RSPH3: variants seen among roughly 807,000 people sequenced by gnomAD.
RSPH3 encodes radial spoke head protein 3 homolog.
Under a neutral mutation model 43.8 loss-of-function variants are expected in RSPH3, and 21 were observed. The ratio of observed to expected loss-of-function variants is 0.48; its 90% CI spans 0.34 to 0.69. The LOEUF is 0.69. Ranked by LOEUF, RSPH3 falls within the 30% of genes least tolerant of loss-of-function variation. The pLI, the probability that RSPH3 is intolerant of heterozygous loss-of-function variation, is 0.01. For synonymous variants in RSPH3, 173 were observed against 179.8 expected (o/e 0.96, Z 0.30); for missense variants, 487 against 516.0 (o/e 0.94, Z 0.54).
At chr6:158,966,132 T>A in the RSPH3 span, among the ~76,000 whole-genome samples, 1 of 152,192 alleles carries the variant, frequency 6.6e-6, no homozygotes, top group Non-Finnish European at 1.5e-5. Context: ...ACTTGTGTAA[T>A]GAATATAACA....
At chr6:158,981,414 T>C (rs1206274667) in intron 5 of RSPH3, among the ~76,000 whole-genome samples, 7 of 152,204 alleles carry the variant, frequency 4.6e-5, no homozygotes, top group Admixed American at 2.0e-4. Flanking sequence ...TTTATAAAGG[T>C]GATGAATCCT....
Position 158,986,339 on chromosome 6 carries a change from T to C in RSPH3, c.287A>G (p.Gln96Arg), listed in dbSNP as rs1249340053. The C allele has an allele frequency of 6.2e-7, 1 of 1,614,110 alleles. No homozygotes were observed. Reference protein sequence around the residue: ...RALARKQAQEQLRPQTPEPVE... With the variant: ...RALARKQAQERLRPQTPEPVE... ...AGGTTCAGGTGTTTGTGGTCTGAGC[T>C]GCTCTTGGGCTTGTTTTCTGGCAAG... is the stretch of plus-strand genomic sequence containing the variant. Residue 96 changes from glutamine to arginine, a missense_variant, in exon 3 of 8, where the codon CAG (glutamine) becomes CGG (arginine). Transcript: ENST00000367069.
chr6:158,981,088 T>A, intron 5 of RSPH3, 152 bp from the exon 6 acceptor site: 1 of 693,966 alleles, frequency 1.4e-6, no homozygotes, highest in Non-Finnish European at 2.3e-6. Flanking sequence ...ATCAAAAATT[T>A]AATGAATTTC....
rs372492488 is a variant in RSPH3 at position 158,980,767 on chromosome 6, T to C, written c.859+7A>G. The C allele has an allele frequency of 6.2e-7, 1 of 1,610,180 alleles. No individual in the cohort carries two copies. The highest frequency in any genetic ancestry group is 1.3e-5 in the African/African-American group (1 of 74,964). On this transcript the variant is annotated splice_region_variant and intron_variant, in intron 6 of 7. Coordinates refer to ENST00000367069, the MANE Select transcript of RSPH3 (RefSeq NM_031924.8). ...ACAAAATTAATCTAACAAAAATATCTACAAACCTCTTTCAATGGGATCATA... is the reference window on the plus strand; with the variant it reads ...ACAAAATTAATCTAACAAAAATATCCACAAACCTCTTTCAATGGGATCATA...
chr6:158,979,488 T>C (rs1777959142), intron 6 of RSPH3, among the ~76,000 whole-genome samples: 1 of 152,084 alleles, frequency 6.6e-6, no homozygotes, highest in African/African-American at 2.4e-5. Context: ...CCAAGTCAGT[T>C]TGAGGCCTAA....
rs374014611 is a variant in RSPH3, at chr6:158,999,645, C to T, written c.-95G>A. On this transcript the variant is annotated 5_prime_UTR_variant, in exon 1 of 8. It introduces an in-frame stop codon into an upstream open reading frame of the 5' UTR. Coordinates refer to ENST00000367069, the MANE Select transcript of RSPH3 (RefSeq NM_031924.8). Reference sequence around the variant, plus strand: ...GGACCCGGAGAGATGTAAGTAGTGCCAAGGGCAAGGATTCCGCGACGCGAG... The same window carrying T: ...GGACCCGGAGAGATGTAAGTAGTGCTAAGGGCAAGGATTCCGCGACGCGAG... 76 of 1,613,914 alleles carry T rather than the reference C, an allele frequency of 4.7e-5. No homozygotes were observed. The highest frequency in any genetic ancestry group is 6.2e-5 in the Non-Finnish European group (73 of 1,179,986).
downstream of RSPH3, among the ~76,000 whole-genome samples, chr6:158,971,843 T>C (rs917210658): frequency 6.6e-6 from 1 of 152,214 alleles, no homozygotes; most frequent in Non-Finnish European, 1.5e-5. Flanking sequence ...CCGAGTCAGA[T>C]TACACCTATA....
At chr6:158,996,891 T>C (rs1441265432) in intron 1 of RSPH3, among the ~76,000 whole-genome samples, 1 of 152,124 alleles carries the variant, frequency 6.6e-6, no homozygotes, top group Non-Finnish European at 1.5e-5. Context: ...TGGGGCCTAG[T>C]GGGAGGTGTT....
At chr6:158,986,517 G>T in intron 2 of RSPH3, 96 bp from the exon 3 acceptor site, 1 of 915,386 alleles carries the variant, frequency 1.1e-6, no homozygotes, top group Non-Finnish European at 1.7e-6. Flanking sequence ...TAGTATAAAG[G>T]CATTTGTCAT....
At chr6:158,964,869 T>C in the RSPH3 span, among the ~76,000 whole-genome samples, 2 of 152,298 alleles carry the variant, frequency 1.3e-5, no homozygotes, top group East Asian at 3.9e-4. Flanking sequence ...TTTGATGTCA[T>C]ATATAAGAAA....
chr6:158,992,912 C>CT (rs1488188425), intron 2 of RSPH3, among the ~76,000 whole-genome samples: 1 of 152,082 alleles, frequency 6.6e-6, no homozygotes, highest in Non-Finnish European at 1.5e-5. Context: ...AGAATTCAGA[C>CT]TTTTTGATTA....
intron 1 of RSPH3, among the ~76,000 whole-genome samples, chr6:158,997,899 G>A (rs1778650857): frequency 6.6e-6 from 1 of 151,926 alleles, no homozygotes. Flanking sequence ...AAAAGAATTT[G>A]TTAGAACAAG....
chr6:158,980,892 G>A lies in RSPH3; in HGVS notation c.741C>T (p.Asn247=), dbSNP rs567118747. 5.0e-5 allele frequency: 81 copies of A among 1,614,102 alleles called. 1 individual carries two copies. Among genetic ancestry groups the A allele is most frequent in the African/African-American group, 4.8e-4 (36 of 75,020 alleles). The change falls in exon 6 of 8, where the codon AAC becomes AAT. Residue 247 remains asparagine, a synonymous_variant. Transcript: ENST00000367069. ...KQQWEIMHKH[N]ETSQKIAARA... ...GGGCGGCGATTTTTTGTGATGTCTC[G>A]TTGTGCTTGTGCATTATTTCCCACT...
At chr6:158,987,560 G>A (rs1374386925) in intron 2 of RSPH3, among the ~76,000 whole-genome samples, 1 of 151,948 alleles carries the variant, frequency 6.6e-6, no homozygotes, top group East Asian at 1.9e-4. Flanking sequence ...CTTTCTTTGT[G>A]TTAAGTGACT....
rs1231330937 is a variant in RSPH3 at position 158,980,806 on chromosome 6, T to C, written c.827A>G (p.Asp276Gly). 1.2e-6 allele frequency: 2 copies of C among 1,613,970 alleles called. No homozygotes were observed. Among genetic ancestry groups the C allele is most frequent in the Admixed American group, 1.7e-5 (1 of 60,000 alleles). ...LLPSVFGSLR[D>G]SGYFYDPIER... Reference sequence around the variant, plus strand: ...AATGGGATCATAAAAGTAGCCACTATCCCTGAGGCTGCCAAAAACAGACGG... The same window carrying C: ...AATGGGATCATAAAAGTAGCCACTACCCCTGAGGCTGCCAAAAACAGACGG... The change falls in exon 6 of 8, where the codon GAT becomes GGT. Residue 276 changes from aspartate to glycine, a missense_variant. Coordinates refer to ENST00000367069, the MANE Select transcript of RSPH3 (RefSeq NM_031924.8).
intron 3 of RSPH3, among the ~76,000 whole-genome samples, chr6:158,984,297 CATAG>C (rs1554289651): frequency 9.3e-5 from 14 of 150,684 alleles, no homozygotes; most frequent in Non-Finnish European, 1.5e-5. Flanking sequence ...TTTGGAAGAC[CATAG>C]ATAGAGTTAG....
chr6:158,993,979 G>C, intron 1 of RSPH3, 53 bp from the exon 2 acceptor site: 1 of 906,184 alleles, frequency 1.1e-6, no homozygotes, highest in Non-Finnish European at 1.8e-6. Context: ...TGGTATCTAT[G>C]AAGTAACTCA....
intron 3 of RSPH3, among the ~76,000 whole-genome samples, chr6:158,985,036 AAGTGAACCTGAAGT>A (rs1778183273): frequency 6.6e-6 from 1 of 152,208 alleles, no homozygotes; most frequent in East Asian, 1.9e-4. Context: ...GAAGGGTACA[AAGTGAACCTGAAGT>A]AGTGACAGTG....
At chr6:158,990,017 C>T (rs12190847) in intron 2 of RSPH3, among the ~76,000 whole-genome samples, 20,082 of 152,008 alleles carry the variant, frequency 0.13, 2,050 homozygotes, top group East Asian at 0.42. Flanking sequence ...TGGCCTAGCC[C>T]CCCAGCCTAC....
Sources: allele counts gnomAD v4.1 joint callset (sites outside exome capture counted in the v4.1 genomes callset), GRCh38; gene constraint gnomAD v4.1.1; transcripts MANE v1.5; gene names NCBI Gene and HGNC (gene_info 2026-07-23, HGNC 2026-07-21).